The following RICTOR variants were observed in gnomAD, a reference collection of about 807,000 sequenced individuals.
RICTOR encodes the protein RPTOR independent companion of MTOR complex 2.
In RICTOR, 49 loss-of-function variants were observed where a neutral mutation model predicts 214.9. The observed-to-expected ratio is 0.23, with a 90% confidence interval of 0.18 to 0.29. The LOEUF is 0.29. Among genes scored for constraint, RICTOR ranks in the 10% least tolerant of loss-of-function variants. The pLI, the probability that RICTOR is intolerant of heterozygous loss-of-function variation, is 1.00. For missense variants in RICTOR, 1,625 were observed against 2,047.0 expected (o/e 0.79, Z 3.98); for synonymous variants, 717 against 711.3 (o/e 1.01, Z -0.13).
chr5:39,013,673 T>TG (rs1478557191), intron 3 of RICTOR, among the ~76,000 whole-genome samples: 4 of 152,000 alleles, frequency 2.6e-5, no homozygotes, highest in Non-Finnish European at 5.9e-5. Flanking sequence ...TAGAATTCCA[T>TG]GGCACAGTCT....
In RICTOR at chr5:38,967,061, A is replaced by C. The variant is rs1750293207; in HGVS notation, c.1218+100T>G. The C allele has an allele frequency of 3.3e-6, 3 of 918,244 alleles. No homozygotes were observed. The Admixed American group carries it at 5.7e-5, about 17-fold the overall frequency. 56.9% of individuals were successfully genotyped at this position (918,244 alleles called of 1,614,324 possible). A position where few individuals can be genotyped will look rare whatever the true frequency, so the allele number is the denominator to read the frequency against. On this transcript the variant is annotated intron_variant, in intron 14 of 37. Transcript: ENST00000357387. ...AGTGATCCGCCTGCCTTGGCTTCTC[A>C]AAGTGTTGGGATTACAGGCGTGAGT...
chr5:39,074,134 T>G lies in RICTOR; in HGVS notation c.74A>C (p.Asn25Thr), dbSNP rs1283232967. Reference protein sequence around the residue: ...VRGRNDSGEENVPLDLTREPS... With the variant: ...VRGRNDSGEETVPLDLTREPS... ...ACCTCGGGTCAGATCCAGCGGGACGTTCTCCTCGCCGCTGTCATTCCGCCC... is the reference window on the plus strand; with the variant it reads ...ACCTCGGGTCAGATCCAGCGGGACGGTCTCCTCGCCGCTGTCATTCCGCCC... The change falls in exon 2 of 38, where the codon AAC becomes ACC. Residue 25 changes from asparagine (N) to threonine (T), a missense_variant. Asn to Thr is a moderately conservative substitution (Grantham distance 65). Transcript: ENST00000357387. The G allele has an allele frequency of 6.3e-7, 1 of 1,581,456 alleles. No homozygotes were observed.
chr5:39,009,153 G>A (rs1754300790), intron 3 of RICTOR, among the ~76,000 whole-genome samples: 1 of 152,008 alleles, frequency 6.6e-6, no homozygotes, highest in Non-Finnish European at 1.5e-5. Context: ...TAAAAGGTTG[G>A]TTTTTCCCCT....
intron 3 of RICTOR, among the ~76,000 whole-genome samples, chr5:39,006,042 T>A (rs1038337284): frequency 2.0e-5 from 3 of 152,230 alleles, no homozygotes; most frequent in Non-Finnish European, 4.4e-5. Context: ...GCTTGATGCA[T>A]CTAGGTAGGA....
At chr5:38,991,888 GAAATA>G (rs1209432118) in intron 6 of RICTOR, among the ~76,000 whole-genome samples, 1 of 152,100 alleles carries the variant, frequency 6.6e-6, no homozygotes, top group East Asian at 1.9e-4. Context: ...TACTGGAGTG[GAAATA>G]AAATATTTTG....
intron 1 of RICTOR, 69 bp from the exon 2 acceptor site, chr5:39,074,227 G>C (rs1043187903): frequency 1.3e-6 from 2 of 1,576,232 alleles, no homozygotes; most frequent in East Asian, 2.4e-5. Flanking sequence ...CCCTGGCTCC[G>C]GCCAGCGCCC....
intron 30 of RICTOR, among the ~76,000 whole-genome samples, chr5:38,951,414 T>C (rs1748774069): frequency 6.6e-6 from 1 of 152,020 alleles, no homozygotes; most frequent in South Asian, 2.1e-4. Flanking sequence ...TGCATTACCA[T>C]TTCTATATTT....
chr5:38,960,645 C>T (rs1749714272), intron 19 of RICTOR, 112 bp from the exon 20 acceptor site: 3 of 1,093,248 alleles, frequency 2.7e-6, no homozygotes, highest in African/African-American at 1.6e-5. Flanking sequence ...GGGTCTGAAC[C>T]ATTGGGATAA....
At chr5:38,953,970 T>C (rs1248866047) in intron 27 of RICTOR, among the ~76,000 whole-genome samples, 1 of 151,956 alleles carries the variant, frequency 6.6e-6, no homozygotes, top group Non-Finnish European at 1.5e-5. Flanking sequence ...TCATACTATG[T>C]AAGTAGTAAC....
intron 10 of RICTOR, among the ~76,000 whole-genome samples, chr5:38,975,028 T>C (rs1751096494): frequency 6.6e-6 from 1 of 152,216 alleles, no homozygotes; most frequent in Non-Finnish European, 1.5e-5. Flanking sequence ...AAAACCCCAA[T>C]GTTATTAACA....
At position 39,041,528 on chromosome 5, in the gene RICTOR, G is replaced by A. The variant is rs143949719; in HGVS notation, c.98-20392C>T. ...AGAGTGAACTGCAGAAGAGGAGAAA[G>A]GCAAGTTTAAGTAGAAGTTAAAAAA... On this transcript the variant is annotated intron_variant, in intron 2 of 37. Transcript: ENST00000357387. 1.5e-3 allele frequency among the ~76,000 whole-genome samples: 234 copies of A among 152,132 alleles called. 2 individuals carry two copies. The highest frequency in any genetic ancestry group is 5.4e-3 in the African/African-American group (225 of 41,494).
rs79158156 is a variant in RICTOR, at chr5:38,976,016, C to T, written c.822-412G>A. 7.0e-3 allele frequency among the ~76,000 whole-genome samples: 1,064 copies of T among 152,290 alleles called. 53 individuals carry two copies. The East Asian group carries it at 0.12, about 17-fold the overall frequency. ...AATCTTTGCTCTAAACTTATTTGAA[C>T]GTTTCCAACAAGCAAGTTCAACAAC... On this transcript the variant is annotated intron_variant, in intron 9 of 37. Transcript: ENST00000357387.
chr5:39,030,093 C>G (rs1038507212), intron 2 of RICTOR, among the ~76,000 whole-genome samples: 8 of 151,980 alleles, frequency 5.3e-5, no homozygotes, highest in Non-Finnish European at 8.8e-5. Context: ...ATATTCAAAC[C>G]ATAAAGTGCT....
chr5:39,005,988 A>G (rs1754022815), intron 3 of RICTOR, among the ~76,000 whole-genome samples: 1 of 152,246 alleles, frequency 6.6e-6, no homozygotes, highest in African/African-American at 2.4e-5. Context: ...CATCCCAGGT[A>G]GCCCCAGGAT....
At chr5:38,972,027 A>G in intron 10 of RICTOR, 68 bp from the exon 11 acceptor site, 1 of 673,330 alleles carries the variant, frequency 1.5e-6, no homozygotes, top group African/African-American at 1.8e-5. Flanking sequence ...GGCAATGTAT[A>G]ATATAAAACT....
rs1752636427 is a variant in RICTOR, at chr5:38,990,709, G to GATATATATCATATATATC, written c.583+239_583+240insGATATATATGATATATAT. Among the ~76,000 whole-genome samples the GATATATATCATATATATC allele has an allele frequency of 4.3e-3, 7 of 1,610 alleles. 1 individual carries two copies. The highest frequency in any genetic ancestry group is 6.0e-3 in the African/African-American group (6 of 994). 1.1% of individuals were successfully genotyped at this position (1,610 alleles called of 152,430 possible). A position where few individuals can be genotyped will look rare whatever the true frequency, so the allele number is the denominator to read the frequency against. On this transcript the variant is annotated intron_variant, in intron 7 of 37. Transcript: ENST00000357387. ...CATATATATGATATATATCAGATAT[G>GATATATATCATATATATC]ATATATATGATATATATCATATATA...
intron 2 of RICTOR, among the ~76,000 whole-genome samples, chr5:39,063,670 A>G (rs1232213011): frequency 6.6e-6 from 1 of 152,150 alleles, no homozygotes; most frequent in East Asian, 1.9e-4. Context: ...ATAGAGCTAT[A>G]TCCCAACAGA....
rs549076021 is a variant in RICTOR at position 38,950,739 on chromosome 5, T to A, written c.3128-19A>T. ...AACATACCTATGATTGAAGGATCAA[T>A]TAATAAAAACACATATAAAATGACA... On this transcript the variant is annotated intron_variant, in intron 30 of 37. Coordinates refer to ENST00000357387, the MANE Select transcript of RICTOR (RefSeq NM_152756.5). The A allele has an allele frequency of 6.5e-7, 1 of 1,533,246 alleles. No individual in the cohort carries two copies. Among genetic ancestry groups the A allele is most frequent in the Non-Finnish European group, 8.8e-7 (1 of 1,141,730 alleles). 95.0% of individuals were successfully genotyped at this position (1,533,246 alleles called of 1,614,324 possible).
intron 7 of RICTOR, among the ~76,000 whole-genome samples, chr5:38,984,109 A>G (rs538027654): frequency 6.6e-6 from 1 of 152,244 alleles, no homozygotes; most frequent in East Asian, 1.9e-4. Context: ...TATTTTATCA[A>G]TGTTTTCAAA....
Sources: allele counts gnomAD v4.1 joint callset (sites outside exome capture counted in the v4.1 genomes callset), GRCh38; gene constraint gnomAD v4.1.1; transcripts MANE v1.5; gene names NCBI Gene and HGNC (gene_info 2026-07-23, HGNC 2026-07-21).